The following SMAD1 variants were observed in gnomAD, a reference collection of about 807,000 sequenced individuals.
SMAD1 encodes MAD, mothers against decapentaplegic homolog 1.
SMAD1 carries 6 observed loss-of-function variants against 41.6 expected under a neutral mutation model. That is an observed-to-expected ratio of 0.14 (90% CI 0.08 to 0.28). The LOEUF is 0.28. SMAD1 is among the 10% of genes least tolerant of loss of function. The pLI, the probability that SMAD1 is intolerant of heterozygous loss-of-function variation, is 1.00. For missense variants in SMAD1, 379 were observed against 582.6 expected, an observed-to-expected ratio of 0.65 and a Z score of 3.60; for synonymous variants, 206 against 203.2, an observed-to-expected ratio of 1.01 and a Z score of -0.12.
At chr4:145,530,135 A>G (rs1330445478) in intron 2 of SMAD1, among the ~76,000 whole-genome samples, 1 of 152,224 alleles carries the variant, frequency 6.6e-6, no homozygotes, top group Non-Finnish European at 1.5e-5. Flanking sequence ...CCACAAAGGC[A>G]TTACAGTCCA....
At chr4:145,527,301 G>A (rs982378904) in intron 2 of SMAD1, among the ~76,000 whole-genome samples, 1 of 150,002 alleles carries the variant, frequency 6.7e-6, no homozygotes, top group African/African-American at 2.5e-5. Flanking sequence ...TCGGCTCACT[G>A]CGAGCTCCGC....
intron 1 of SMAD1, among the ~76,000 whole-genome samples, chr4:145,504,686 G>C (rs1394239205): frequency 6.6e-6 from 1 of 152,136 alleles, no homozygotes; most frequent in Non-Finnish European, 1.5e-5. Context: ...GTTGTCTGCT[G>C]TTCCACATTT....
At chr4:145,497,251 C>G (rs1473725619) in intron 1 of SMAD1, 1 of 152,180 alleles carries the variant, frequency 6.6e-6, no homozygotes, top group Non-Finnish European at 1.5e-5. Flanking sequence ...GATATTTGGA[C>G]TATTTGGATT....
At chr4:145,536,376 T>G (rs565898078) in intron 2 of SMAD1, among the ~76,000 whole-genome samples, 3 of 152,290 alleles carry the variant, frequency 2.0e-5, no homozygotes, top group African/African-American at 7.2e-5. Context: ...AGGTAAGAGA[T>G]AAGCCTGGAA....
intron 1 of SMAD1, among the ~76,000 whole-genome samples, chr4:145,505,744 A>G (rs1729738877): frequency 1.3e-5 from 2 of 152,124 alleles, no homozygotes; most frequent in African/African-American, 4.8e-5. Flanking sequence ...AGACCAGTCT[A>G]TCTGTTTAAG....
chr4:145,498,552 T>C (rs1729228341), intron 1 of SMAD1, among the ~76,000 whole-genome samples: 4 of 152,238 alleles, frequency 2.6e-5, no homozygotes, highest in Admixed American at 2.6e-4. Context: ...TGGTTAAAAC[T>C]AAAAGTAGTT....
At position 145,523,595 on chromosome 4, in the gene SMAD1, A is replaced by G. The variant is rs141089677; in HGVS notation, c.400+8582A>G. 1.5e-3 allele frequency among the ~76,000 whole-genome samples: 230 copies of G among 152,278 alleles called. 1 individual carries two copies. Among genetic ancestry groups the G allele is most frequent in the African/African-American group, 5.4e-3 (224 of 41,556 alleles). On this transcript the variant is annotated intron_variant, in intron 2 of 6. Transcript: ENST00000302085. The stretch of plus-strand genomic sequence containing the variant: ...TGTATAACTATAAACAAAAATAACT[A>G]TCGTTATTATATGTTTGTAATCCTA...
intron 2 of SMAD1, among the ~76,000 whole-genome samples, chr4:145,535,358 T>C (rs1214407670): frequency 1.3e-5 from 2 of 152,078 alleles, no homozygotes; most frequent in Non-Finnish European, 2.9e-5. Context: ...AGATACACCT[T>C]TGACAGTGCT....
At chr4:145,557,339 T>A (rs1041250340) in intron 6 of SMAD1, among the ~76,000 whole-genome samples, 4 of 152,166 alleles carry the variant, frequency 2.6e-5, no homozygotes, top group African/African-American at 7.2e-5. Flanking sequence ...TCAAGAGCTG[T>A]GTGTTGATAG....
intron 2 of SMAD1, 41 bp downstream of exon 2, chr4:145,515,054 G>GTAC: frequency 6.5e-7 from 1 of 1,533,650 alleles, no homozygotes; most frequent in Non-Finnish European, 8.8e-7. Context: ...TGTGTGCCCA[G>GTAC]TACCAGATTT....
intron 2 of SMAD1, chr4:145,525,802 C>A (rs1194318635): frequency 1.3e-5 from 2 of 152,206 alleles, no homozygotes; most frequent in Non-Finnish European, 2.9e-5. Context: ...CCACATAAAA[C>A]TATGTAACTA....
At chr4:145,510,233 G>T (rs1028980763) in intron 1 of SMAD1, among the ~76,000 whole-genome samples, 1 of 152,042 alleles carries the variant, frequency 6.6e-6, no homozygotes, top group Non-Finnish European at 1.5e-5. Flanking sequence ...TATTTTCAAA[G>T]AATCAACTTT....
chr4:145,539,007 G>A (rs553006246), intron 2 of SMAD1, among the ~76,000 whole-genome samples: 30 of 152,308 alleles, frequency 2.0e-4, no homozygotes, highest in South Asian at 1.2e-3. Context: ...ACATTTAGGA[G>A]TGACAGGAGT....
chr4:145,543,247 G>A (rs1190471741), intron 4 of SMAD1, among the ~76,000 whole-genome samples: 1 of 152,198 alleles, frequency 6.6e-6, no homozygotes, highest in African/African-American at 2.4e-5. Flanking sequence ...GATTACAGGC[G>A]TGAGCCACTG....
chr4:145,547,941 A>G (rs1732339053), intron 5 of SMAD1, among the ~76,000 whole-genome samples: 1 of 152,206 alleles, frequency 6.6e-6, no homozygotes, highest in South Asian at 2.1e-4. Context: ...CAGTAGCAAT[A>G]AGCACATCTA....
intron 6 of SMAD1, among the ~76,000 whole-genome samples, chr4:145,556,404 A>C (rs967821416): frequency 6.6e-6 from 1 of 152,220 alleles, no homozygotes; most frequent in South Asian, 2.1e-4. Context: ...ATATATATCT[A>C]CATAGATGTA....
intron 1 of SMAD1, among the ~76,000 whole-genome samples, chr4:145,490,475 AC>A (rs1728714615): frequency 6.6e-6 from 1 of 152,128 alleles, no homozygotes; most frequent in African/African-American, 2.4e-5. Flanking sequence ...TTGGGGGGAA[AC>A]CTGGGGTGAA....
chr4:145,551,754 G>T (rs1732567550), intron 5 of SMAD1, among the ~76,000 whole-genome samples: 1 of 152,142 alleles, frequency 6.6e-6, no homozygotes, highest in Non-Finnish European at 1.5e-5. Flanking sequence ...CTCAAATTCA[G>T]TACTGGCATG....
chr4:145,556,889 G>C (rs1004956924), intron 6 of SMAD1, among the ~76,000 whole-genome samples: 6 of 152,052 alleles, frequency 3.9e-5, no homozygotes, highest in Admixed American at 2.6e-4. Flanking sequence ...TTTTGGCCAG[G>C]CTGGTTTCGA....
Sources: allele counts gnomAD v4.1 joint callset (sites outside exome capture counted in the v4.1 genomes callset), GRCh38; gene constraint gnomAD v4.1.1; transcripts MANE v1.5; gene names NCBI Gene and HGNC (gene_info 2026-07-23, HGNC 2026-07-21).